Variants in LPA observed in about 807,000 individuals in gnomAD.
LPA encodes apolipoprotein(a).
LPA carries 199 observed loss-of-function variants against 197.9 expected under a neutral mutation model. That is an observed-to-expected ratio of 1.01 (90% CI 0.90 to 1.13). The LOEUF is 1.13. Among genes scored for constraint, LPA ranks in the 50% most tolerant of loss-of-function variants. The pLI is 0.00. For synonymous variants in LPA, 715 were observed against 639.5 expected (o/e 1.12, Z -1.78); for missense variants, 1,853 against 1,785.8 (o/e 1.04, Z -0.68).
intron 2 of LPA, among the ~76,000 whole-genome samples, chr6:160,647,002 A>G (rs1333813413): frequency 6.6e-6 from 1 of 152,104 alleles, no homozygotes. Flanking sequence ...TGTCATTCCC[A>G]TATCATGTCG....
At chr6:160,659,961 G>A (rs80113245) in intron 1 of LPA, among the ~76,000 whole-genome samples, 4,585 of 122,578 alleles carry the variant, frequency 0.037, no homozygotes, top group African/African-American at 0.084. Context: ...ATGCGTAGAA[G>A]TAATTCCAAC....
chr6:160,537,900 T>C lies in LPA; in HGVS notation c.5797A>G (p.Thr1933Ala), dbSNP rs1273052214. 3 of 1,614,254 alleles carry C rather than the reference T, an allele frequency of 1.9e-6. No homozygotes were observed. Among genetic ancestry groups the C allele is most frequent in the Non-Finnish European group, 1.7e-6 (2 of 1,180,042 alleles). ...GTGATGTAACATTCAGTCCTGGCGG[T>C]GACCATGTAGTCTGGGGATGGCAGA... ...ACLPSPDYMV[T>A]ARTECYITGW... The change falls in exon 37 of 39, where the codon ACC becomes GCC. Residue 1933 changes from threonine to alanine, a missense_variant. Around this residue, in one of 3 missense-constraint regions of LPA, gnomAD observed 1,737 missense variants for 1,504.4 expected, o/e 1.15. Transcript: ENST00000316300.
intron 2 of LPA, among the ~76,000 whole-genome samples, chr6:160,648,223 A>G (rs1779938829): frequency 6.6e-6 from 1 of 152,288 alleles, no homozygotes; most frequent in Non-Finnish European, 1.5e-5. Context: ...CTGTTCCTCT[A>G]GCAAGACACA....
intron 1 of LPA, among the ~76,000 whole-genome samples, chr6:160,654,004 AATATATATT>A (rs1562354712): frequency 4.1e-3 from 24 of 5,890 alleles, no homozygotes; most frequent in African/African-American, 0.01. Flanking sequence ...TATTATATAT[AATATATATT>A]ATATATAATA....
At chr6:160,555,455 A>ATATATATATATATC (rs1287454419) in intron 30 of LPA, among the ~76,000 whole-genome samples, 1 of 133,082 alleles carries the variant, frequency 7.5e-6, no homozygotes, top group Non-Finnish European at 1.6e-5. Flanking sequence ...ATATATATAT[A>ATATATATATATATC]TGTGTGTGTA....
chr6:160,531,621 G>T lies in LPA; in HGVS notation c.*108C>A. 1 of 1,462,548 alleles carries T rather than the reference G, an allele frequency of 6.8e-7. No homozygotes were observed. The highest frequency in any genetic ancestry group is 9.6e-7 in the Non-Finnish European group (1 of 1,045,844). The allele number at this position is 1,462,548 out of a possible 1,614,324, so 90.6% of individuals were successfully genotyped here. On this transcript the variant is annotated 3_prime_UTR_variant, in exon 39 of 39. Coordinates refer to ENST00000316300, the MANE Select transcript of LPA (RefSeq NM_005577.4). ...CCAAGGTTTGGCATAGCTGGTAGCT[G>T]GGAACAGTGTCTTCGTTTGATTGCT...
At chr6:160,610,931 C>T (rs1215887970) in intron 16 of LPA, among the ~76,000 whole-genome samples, 2 of 152,116 alleles carry the variant, frequency 1.3e-5, no homozygotes, top group African/African-American at 2.4e-5. Flanking sequence ...AAATGATTGG[C>T]CATGGGGTGG....
At chr6:160,606,012 A>T (rs1393418822) in intron 17 of LPA, among the ~76,000 whole-genome samples, 1 of 152,154 alleles carries the variant, frequency 6.6e-6, no homozygotes, top group Non-Finnish European at 1.5e-5. Context: ...AACCAGGGTG[A>T]TTTGGAATTA....
chr6:160,607,389 C>T (rs1779380474), intron 16 of LPA, among the ~76,000 whole-genome samples: 2 of 152,230 alleles, frequency 1.3e-5, no homozygotes, highest in South Asian at 4.1e-4. Flanking sequence ...TCTCAGTCTA[C>T]CCTCTGCTGG....
chr6:160,600,806 G>A, intron 19 of LPA, 111 bp downstream of exon 19: 1 of 1,277,580 alleles, frequency 7.8e-7, no homozygotes, highest in South Asian at 1.2e-5. Flanking sequence ...GGCAGACCCA[G>A]AACCAACACA....
At chr6:160,588,773 T>G (rs891633346) in intron 24 of LPA, among the ~76,000 whole-genome samples, 1 of 152,152 alleles carries the variant, frequency 6.6e-6, no homozygotes, top group African/African-American at 2.4e-5. Context: ...CTCCATCTGC[T>G]TGTCCTTCAA....
chr6:160,582,571 A>G (rs867702796), intron 26 of LPA, among the ~76,000 whole-genome samples: 4 of 152,080 alleles, frequency 2.6e-5, no homozygotes, highest in Non-Finnish European at 5.9e-5. Context: ...CTGTTACTCT[A>G]TGTAAAGGTA....
intron 19 of LPA, among the ~76,000 whole-genome samples, chr6:160,600,641 A>G (rs1030103506): frequency 2.0e-5 from 3 of 152,210 alleles, no homozygotes; most frequent in Non-Finnish European, 4.4e-5. Context: ...AATTTTGTCT[A>G]GGACAATGAG....
At position 160,537,337 on chromosome 6, in the gene LPA, C is replaced by T. The variant is rs184357630; in HGVS notation, c.5842+518G>A. Among the ~76,000 whole-genome samples the T allele has an allele frequency of 1.1e-3, 163 of 152,288 alleles. 2 individuals carry two copies. The East Asian group carries it at 0.024, about 22-fold the overall frequency. On this transcript the variant is annotated intron_variant, in intron 37 of 38. Coordinates refer to ENST00000316300, the MANE Select transcript of LPA (RefSeq NM_005577.4). The stretch of plus-strand genomic sequence containing the variant: ...GTCTGCCTCTCCCCCAGCTTCAGGT[C>T]CCCTGCCTAACACCCTCACACACAC...
At chr6:160,590,456 T>C (rs1779004489) in intron 23 of LPA, among the ~76,000 whole-genome samples, 1 of 152,182 alleles carries the variant, frequency 6.6e-6, no homozygotes, top group Non-Finnish European at 1.5e-5. Flanking sequence ...GCTGGCTATG[T>C]ACTGTTACCT....
chr6:160,581,796 G>C (rs1016903918), intron 26 of LPA, among the ~76,000 whole-genome samples: 17 of 152,156 alleles, frequency 1.1e-4, no homozygotes, highest in Admixed American at 1.0e-3. Context: ...CTAAAGATCA[G>C]TTTTGTGAAA....
chr6:160,595,859 G>A (rs372368750), intron 20 of LPA, among the ~76,000 whole-genome samples: 77 of 152,170 alleles, frequency 5.1e-4, no homozygotes, highest in African/African-American at 1.8e-3. Context: ...ATTATACTCT[G>A]TACATTGTAC....
intron 20 of LPA, 101 bp from the exon 21 acceptor site, chr6:160,595,636 T>C (rs199878413): frequency 9.6e-7 from 1 of 1,042,584 alleles, no homozygotes; most frequent in Non-Finnish European, 1.3e-6. Flanking sequence ...AAAAGAGACT[T>C]TGAAATATTT....
At chr6:160,542,320 C>G (rs1246464703) in intron 34 of LPA, among the ~76,000 whole-genome samples, 1 of 152,224 alleles carries the variant, frequency 6.6e-6, no homozygotes, top group Non-Finnish European at 1.5e-5. Context: ...TCCTCCCTCA[C>G]TGCAAAGTGT....
Sources: gnomAD v4.1 joint callset for allele counts (sites outside exome capture counted in the v4.1 genomes callset) on GRCh38, gnomAD v4.1.1 for gene constraint, gnomAD v4.1.1 regional missense constraint, MANE v1.5 for transcripts, NCBI Gene and HGNC (gene_info 2026-07-23, HGNC 2026-07-21) for gene names.